Variants in PPFIA2 observed in about 807,000 individuals in gnomAD.
PPFIA2 encodes PPFI scaffold protein A2.
In PPFIA2, 46 loss-of-function variants were observed where a neutral mutation model predicts 175.5. The ratio of observed to expected loss-of-function variants is 0.26; its 90% CI spans 0.21 to 0.34. The LOEUF (loss-of-function observed/expected upper bound fraction) is 0.34. PPFIA2 is among the 10% of genes least tolerant of loss of function. The pLI is 1.00. For synonymous variants in PPFIA2, 568 were observed against 511.4 expected (o/e 1.11, Z -1.49); for missense variants, 1,179 against 1,506.1 (o/e 0.78, Z 3.60).
chr12:81,344,784 C>T, intron 18 of PPFIA2, 91 bp from the exon 19 acceptor site: 1 of 863,362 alleles, frequency 1.2e-6, no homozygotes, highest in Non-Finnish European at 1.7e-6. Flanking sequence ...GTGTCTACAA[C>T]TTGACTATCA....
chr12:81,620,531 G>C (rs185168835), intron 4 of PPFIA2, among the ~76,000 whole-genome samples: 11 of 152,250 alleles, frequency 7.2e-5, no homozygotes, highest in Admixed American at 5.9e-4. Flanking sequence ...AGCCAGAAAG[G>C]CATATTCTGG....
At chr12:81,684,646 C>T (rs2074177179) in intron 3 of PPFIA2, among the ~76,000 whole-genome samples, 1 of 152,040 alleles carries the variant, frequency 6.6e-6, no homozygotes, top group Non-Finnish European at 1.5e-5. Flanking sequence ...TTATAAAATG[C>T]CTGAGTGAAT....
At chr12:81,507,394 A>C (rs2061292280) in intron 4 of PPFIA2, among the ~76,000 whole-genome samples, 1 of 148,154 alleles carries the variant, frequency 6.7e-6, no homozygotes, top group African/African-American at 2.5e-5. Context: ...AATTGTATAT[A>C]TACAACTAAA....
At chr12:81,499,380 T>C (rs866969241) in intron 4 of PPFIA2, among the ~76,000 whole-genome samples, 1 of 152,184 alleles carries the variant, frequency 6.6e-6, no homozygotes, top group Non-Finnish European at 1.5e-5. Flanking sequence ...TTCCTCTCTT[T>C]TACCCTACAT....
intron 11 of PPFIA2, among the ~76,000 whole-genome samples, chr12:81,370,182 A>G (rs2141507507): frequency 6.6e-6 from 1 of 151,948 alleles, no homozygotes. Context: ...ATTAATTTGG[A>G]ACAAAATTTA....
chr12:81,412,309 T>C (rs546731523), intron 7 of PPFIA2, among the ~76,000 whole-genome samples: 1 of 146,296 alleles, frequency 6.8e-6, no homozygotes, highest in Non-Finnish European at 1.5e-5. Flanking sequence ...CCTTCTCTTG[T>C]GTAGATTACA....
At chr12:81,261,675 A>C (rs541224089) in intron 32 of PPFIA2, among the ~76,000 whole-genome samples, 2 of 152,230 alleles carry the variant, frequency 1.3e-5, no homozygotes, top group Non-Finnish European at 2.9e-5. Flanking sequence ...ACTAAAAAGT[A>C]GAAAACAGTG....
chr12:81,466,417 C>G (rs2055635040), intron 4 of PPFIA2, among the ~76,000 whole-genome samples: 1 of 152,090 alleles, frequency 6.6e-6, no homozygotes, highest in Non-Finnish European at 1.5e-5. Context: ...TCAAAATCTT[C>G]TAATCAAGGT....
At chr12:81,266,299 C>CGTTT (rs2037240611) in intron 30 of PPFIA2, among the ~76,000 whole-genome samples, 1 of 152,156 alleles carries the variant, frequency 6.6e-6, no homozygotes, top group Non-Finnish European at 1.5e-5. Context: ...CTCAGAAAGA[C>CGTTT]TATTAAAATG....
intron 24 of PPFIA2, among the ~76,000 whole-genome samples, chr12:81,286,550 A>G (rs2043467593): frequency 1.3e-5 from 2 of 152,068 alleles, no homozygotes; most frequent in South Asian, 2.1e-4. Flanking sequence ...AATAAGTTAT[A>G]CCACATAGCC....
At chr12:81,374,417 G>T (rs1039586422) in intron 11 of PPFIA2, among the ~76,000 whole-genome samples, 5 of 151,996 alleles carry the variant, frequency 3.3e-5, no homozygotes, top group African/African-American at 4.8e-5. Context: ...TTTTGTTAAT[G>T]TTTAAATAGG....
chr12:81,662,723 C>T (rs1222031706), intron 4 of PPFIA2, among the ~76,000 whole-genome samples: 1 of 152,140 alleles, frequency 6.6e-6, no homozygotes, highest in East Asian at 1.9e-4. Flanking sequence ...CATCCTGATA[C>T]CAAAGCCTGG....
At chr12:81,721,515 C>G (rs1489146954) in intron 3 of PPFIA2, among the ~76,000 whole-genome samples, 2 of 150,762 alleles carry the variant, frequency 1.3e-5, no homozygotes, top group Non-Finnish European at 3.0e-5. Flanking sequence ...AATTTTATCT[C>G]TACAACTTCT....
intron 4 of PPFIA2, among the ~76,000 whole-genome samples, chr12:81,607,624 A>T (rs933334898): frequency 6.6e-6 from 1 of 152,090 alleles, no homozygotes; most frequent in African/African-American, 2.4e-5. Context: ...TAGAATTGCT[A>T]CTGATTTTTT....
intron 4 of PPFIA2, chr12:81,505,856 T>C (rs1310650042): frequency 6.6e-6 from 1 of 152,182 alleles, no homozygotes; most frequent in Non-Finnish European, 1.5e-5. Flanking sequence ...GAGCATTGGA[T>C]TAGGGATTTT....
At chr12:81,757,277 C>T (rs2084838360) in intron 2 of PPFIA2, among the ~76,000 whole-genome samples, 1 of 152,158 alleles carries the variant, frequency 6.6e-6, no homozygotes, top group Non-Finnish European at 1.5e-5. Flanking sequence ...CACCCAGATA[C>T]ATCACTTTTA....
At chr12:81,475,083 C>A (rs949798979) in intron 4 of PPFIA2, among the ~76,000 whole-genome samples, 4 of 152,148 alleles carry the variant, frequency 2.6e-5, no homozygotes, top group Admixed American at 6.5e-5. Flanking sequence ...CTTGGATAGT[C>A]AATCTTCAGA....
chr12:81,758,348 G>A (rs895431428), intron 2 of PPFIA2, 52 bp downstream of exon 2: 13 of 455,124 alleles, frequency 2.9e-5, no homozygotes, highest in Non-Finnish European at 5.3e-5. Context: ...CGGGGAGGTG[G>A]TCAAAAAATA....
intron 4 of PPFIA2, among the ~76,000 whole-genome samples, chr12:81,558,645 A>T (rs764610868): frequency 3.3e-5 from 5 of 152,102 alleles, no homozygotes; most frequent in Non-Finnish European, 5.9e-5. Context: ...CAGTCTCTCA[A>T]AGGATTTGTT....
Sources: allele counts gnomAD v4.1 joint callset (sites outside exome capture counted in the v4.1 genomes callset), GRCh38; gene constraint gnomAD v4.1.1; transcripts MANE v1.5; gene names NCBI Gene and HGNC (gene_info 2026-07-23, HGNC 2026-07-21).